Variants in PRKN observed in about 807,000 individuals in gnomAD.
The protein encoded by PRKN is E3 ubiquitin-protein ligase parkin.
Under a neutral mutation model 59.5 loss-of-function variants are expected in PRKN, and 56 were observed. That is an observed-to-expected ratio of 0.94 (90% CI 0.76 to 1.18). PRKN has a LOEUF of 1.18. Ranked by LOEUF, PRKN falls within the 50% of genes most tolerant of loss-of-function variation. PRKN has a pLI of 0.00. For missense variants in PRKN, 657 were observed against 596.4 expected (o/e 1.10, Z -1.06); for synonymous variants, 250 against 222.1 (o/e 1.13, Z -1.12).
chr6:161,645,003 C>A (rs535843733), intron 7 of PRKN, among the ~76,000 whole-genome samples: 2 of 152,152 alleles, frequency 1.3e-5, no homozygotes, highest in African/African-American at 4.8e-5. Flanking sequence ...TCCTTATAGC[C>A]AACCCAGGAG....
intron 6 of PRKN, among the ~76,000 whole-genome samples, chr6:161,795,480 C>T (rs958201432): frequency 5.3e-5 from 8 of 152,008 alleles, no homozygotes; most frequent in Non-Finnish European, 1.0e-4. Flanking sequence ...GTGATCCGCC[C>T]GCCTCAGCCT....
At chr6:161,784,676 G>T (rs564808310) in intron 7 of PRKN, among the ~76,000 whole-genome samples, 1 of 152,264 alleles carries the variant, frequency 6.6e-6, no homozygotes, top group African/African-American at 2.4e-5. Flanking sequence ...CACTGCTGGT[G>T]GCAATATAAA....
chr6:161,979,151 C>A (rs761609744), intron 5 of PRKN, among the ~76,000 whole-genome samples: 2 of 151,796 alleles, frequency 1.3e-5, no homozygotes. Flanking sequence ...AGCAAATGGC[C>A]AGTTTTTTGT....
intron 1 of PRKN, among the ~76,000 whole-genome samples, chr6:162,458,590 G>A (rs1039660225): frequency 1.3e-5 from 2 of 150,816 alleles, no homozygotes; most frequent in Non-Finnish European, 2.9e-5. Flanking sequence ...TCCCAGAGAT[G>A]GGACAGCTTG....
At chr6:161,452,223 T>C (rs1175227673) in intron 9 of PRKN, among the ~76,000 whole-genome samples, 1 of 152,162 alleles carries the variant, frequency 6.6e-6, no homozygotes, top group Non-Finnish European at 1.5e-5. Context: ...AATGCTGAGA[T>C]TACAGGCATG....
intron 1 of PRKN, among the ~76,000 whole-genome samples, chr6:162,660,540 T>G (rs1203701640): frequency 6.6e-6 from 1 of 152,210 alleles, no homozygotes; most frequent in Non-Finnish European, 1.5e-5. Context: ...GGATAACTGC[T>G]TCCTTCCCTA....
chr6:161,703,835 CTCTCTTTTTTTTTTTTTT>C (rs1227401436), intron 7 of PRKN, among the ~76,000 whole-genome samples: 3,808 of 126,424 alleles, frequency 0.03, 306 homozygotes, highest in African/African-American at 0.11. Context: ...CTCTCTCTCT[CTCTCTTTTTTTTTTTTTT>C]TTTTTTTTTT....
chr6:161,897,433 G>A (rs1412217383), intron 6 of PRKN, among the ~76,000 whole-genome samples: 1 of 152,108 alleles, frequency 6.6e-6, no homozygotes, highest in Non-Finnish European at 1.5e-5. Context: ...AAAAATAGCT[G>A]CTAAAGTATT....
intron 6 of PRKN, among the ~76,000 whole-genome samples, chr6:161,834,172 C>T (rs567152144): frequency 6.6e-6 from 1 of 151,890 alleles, no homozygotes. Flanking sequence ...TAAAACTGAC[C>T]AGTTTTATGC....
intron 7 of PRKN, among the ~76,000 whole-genome samples, chr6:161,613,410 G>T (rs1019548951): frequency 6.6e-6 from 1 of 151,946 alleles, no homozygotes; most frequent in African/African-American, 2.4e-5. Flanking sequence ...TGAAGACACT[G>T]GGAACATTGT....
chr6:162,650,387 G>A (rs1778373812), intron 1 of PRKN, among the ~76,000 whole-genome samples: 1 of 151,904 alleles, frequency 6.6e-6, no homozygotes, highest in African/African-American at 2.4e-5. Flanking sequence ...CACGAGGTCA[G>A]GAGATCGAGA....
intron 7 of PRKN, among the ~76,000 whole-genome samples, chr6:161,679,686 T>C (rs1412787379): frequency 2.1e-4 from 27 of 130,708 alleles, no homozygotes; most frequent in South Asian, 5.8e-4. Flanking sequence ...CCCCCCCCCT[T>C]TTTTTTTTTT....
rs1365722638 is a variant in PRKN at position 161,352,749 on chromosome 6, GTGTGTGTATA to G, written c.1286-2548_1286-2539del. Among the ~76,000 whole-genome samples the G allele has an allele frequency of 7.4e-6, 1 of 134,522 alleles. No homozygotes were observed. The highest frequency in any genetic ancestry group is 2.0e-4 in the East Asian group (1 of 5,052). 88.3% of individuals were successfully genotyped at this position (134,522 alleles called of 152,430 possible). ...AGAGTGTGTGTGTGTGTGTGTGTGT[GTGTGTGTATA>G]TATATATATATATTTTATTTTATTT... On this transcript the variant is annotated intron_variant, in intron 11 of 11. Transcript: ENST00000366898. The surrounding 1 kb of genome is among the most constrained non-coding windows in gnomAD (Gnocchi z 5.8).
chr6:162,121,852 A>C (rs1315554557), intron 4 of PRKN, among the ~76,000 whole-genome samples: 1 of 152,220 alleles, frequency 6.6e-6, no homozygotes, highest in Non-Finnish European at 1.5e-5. Context: ...CCTTATTTAC[A>C]GATGAGCAGT....
chr6:162,409,153 CCTTTT>C (rs911152046), intron 2 of PRKN, among the ~76,000 whole-genome samples: 4 of 151,578 alleles, frequency 2.6e-5, no homozygotes, highest in African/African-American at 4.9e-5. Flanking sequence ...TAACTCCCTC[CCTTTT>C]CTTTTCTTTT....
intron 4 of PRKN, among the ~76,000 whole-genome samples, chr6:162,105,315 A>G (rs1187891982): frequency 1.3e-5 from 2 of 152,220 alleles, no homozygotes; most frequent in Admixed American, 1.3e-4. Context: ...ACACAGCCAA[A>G]CCACATCAAA....
intron 9 of PRKN, among the ~76,000 whole-genome samples, chr6:161,455,269 C>T (rs181586269): frequency 6.6e-6 from 1 of 152,074 alleles, no homozygotes; most frequent in African/African-American, 2.4e-5. Context: ...GAACTCCTGA[C>T]CTTGTGATCC....
At chr6:162,074,474 C>A (rs1203143417) in intron 4 of PRKN, among the ~76,000 whole-genome samples, 1 of 148,744 alleles carries the variant, frequency 6.7e-6, no homozygotes, top group Admixed American at 6.8e-5. Flanking sequence ...ACTCTGGGGA[C>A]TGTTGTGTGG....
At chr6:162,450,823 A>G (rs1348926522) in intron 1 of PRKN, among the ~76,000 whole-genome samples, 1 of 152,180 alleles carries the variant, frequency 6.6e-6, no homozygotes, top group Non-Finnish European at 1.5e-5. Context: ...AAGAAAAGAG[A>G]CATTCGGTAA....
Sources: allele counts gnomAD v4.1 joint callset (sites outside exome capture counted in the v4.1 genomes callset), GRCh38; gene constraint gnomAD v4.1.1; non-coding constraint Gnocchi (gnomAD v3.1); transcripts MANE v1.5; gene names NCBI Gene and HGNC (gene_info 2026-07-23, HGNC 2026-07-21).